The following AGBL1 variants were observed in gnomAD, a reference collection of about 807,000 sequenced individuals.
AGBL1 encodes the protein AGBL carboxypeptidase 1.
In AGBL1, 130 loss-of-function variants were observed where a neutral mutation model predicts 118.9. The observed-to-expected ratio is 1.09, with a 90% CI of 0.95 to 1.26. The LOEUF is 1.26. Ranked by LOEUF, AGBL1 falls within the 50% of genes most tolerant of loss-of-function variation. The pLI, the probability that AGBL1 is intolerant of heterozygous loss-of-function variation, is 0.00. For synonymous variants in AGBL1, 555 were observed against 478.9 expected, an observed-to-expected ratio of 1.16 and a Z score of -2.08; for missense variants, 1,584 against 1,298.1, an observed-to-expected ratio of 1.22 and a Z score of -3.38.
chr15:86,753,358 C>T (rs2077883108), intron 22 of AGBL1, among the ~76,000 whole-genome samples: 1 of 151,306 alleles, frequency 6.6e-6, no homozygotes, highest in Non-Finnish European at 1.5e-5. Context: ...ACAAGAGTAA[C>T]CTGGGGCAGG....
At chr15:86,768,107 C>T (rs1224453907) in intron 22 of AGBL1, among the ~76,000 whole-genome samples, 1 of 151,916 alleles carries the variant, frequency 6.6e-6, no homozygotes, top group East Asian at 1.9e-4. Flanking sequence ...CATTGCTCCA[C>T]AGTGAATCTA....
chr15:86,599,194 A>G (rs1019538539), intron 21 of AGBL1, among the ~76,000 whole-genome samples: 2 of 152,142 alleles, frequency 1.3e-5, no homozygotes, highest in Non-Finnish European at 2.9e-5. Context: ...CAGAGTTACA[A>G]AAGTTACAAA....
intron 1 of AGBL1, chr15:86,107,536 C>T (rs1230209119): frequency 2.6e-5 from 4 of 152,184 alleles, no homozygotes; most frequent in African/African-American, 9.7e-5. Flanking sequence ...AATACTCACC[C>T]AAGTCTTTTG....
intron 19 of AGBL1, among the ~76,000 whole-genome samples, chr15:86,542,979 T>A (rs2083526209): frequency 6.6e-6 from 1 of 152,174 alleles, no homozygotes; most frequent in African/African-American, 2.4e-5. Context: ...CTGATACTCT[T>A]TACCTTTTAA....
chr15:86,625,364 CGTTTTTTTTTTTTTGTTTTTG>C (rs1321727308), intron 21 of AGBL1, among the ~76,000 whole-genome samples: 4,375 of 68,384 alleles, frequency 0.064, 528 homozygotes, highest in African/African-American at 0.2. Flanking sequence ...AAGAAATTAG[CGTTTTTTTTTTTTTGTTTTTG>C]TTTTTTTTTT....
At chr15:86,371,613 G>T (rs2080971262) in intron 17 of AGBL1, among the ~76,000 whole-genome samples, 1 of 152,094 alleles carries the variant, frequency 6.6e-6, no homozygotes, top group Non-Finnish European at 1.5e-5. Flanking sequence ...TTATGTGTGT[G>T]TGGACTCCCA....
At chr15:86,920,547 G>A (rs1474029120), downstream of AGBL1, among the ~76,000 whole-genome samples, 1 of 151,960 alleles carries the variant, frequency 6.6e-6, no homozygotes, top group Non-Finnish European at 1.5e-5. Flanking sequence ...GATTTCATTG[G>A]GTTTATTTTT....
chr15:86,956,436 A>C (rs1413146997), intron 23 of AGBL1, among the ~76,000 whole-genome samples: 9 of 152,122 alleles, frequency 5.9e-5, no homozygotes. Context: ...GGCAAGTCCA[A>C]ATCCCACAGG....
At chr15:86,378,633 T>A (rs2081070624) in intron 17 of AGBL1, among the ~76,000 whole-genome samples, 2 of 152,182 alleles carry the variant, frequency 1.3e-5, no homozygotes, top group Admixed American at 1.3e-4. Context: ...TGGCTCAGGC[T>A]AAGCTCTTTA....
intron 16 of AGBL1, among the ~76,000 whole-genome samples, chr15:86,281,237 A>G (rs1042146521): frequency 6.6e-6 from 1 of 152,116 alleles, no homozygotes; most frequent in African/African-American, 2.4e-5. Context: ...TACAAAAATT[A>G]GCCAGGCCTG....
intron 22 of AGBL1, among the ~76,000 whole-genome samples, chr15:86,690,069 C>T (rs1308502221): frequency 2.6e-5 from 4 of 152,040 alleles, no homozygotes; most frequent in Non-Finnish European, 5.9e-5. Flanking sequence ...TATTATGGTT[C>T]ATTTCTGAGC....
chr15:86,767,614 A>G (rs577420732), intron 22 of AGBL1, among the ~76,000 whole-genome samples: 3 of 151,944 alleles, frequency 2.0e-5, no homozygotes, highest in Non-Finnish European at 2.9e-5. Flanking sequence ...TTGTTATCTC[A>G]TTTGACTTAT....
chr15:86,153,723 A>C (rs1309047821), intron 3 of AGBL1, among the ~76,000 whole-genome samples: 4 of 152,224 alleles, frequency 2.6e-5, no homozygotes, highest in Non-Finnish European at 5.9e-5. Flanking sequence ...TTGACTTTTT[A>C]TTATGAAAAC....
chr15:86,336,277 A>T (rs745426734), intron 17 of AGBL1, among the ~76,000 whole-genome samples: 3 of 152,164 alleles, frequency 2.0e-5, no homozygotes, highest in Non-Finnish European at 2.9e-5. Context: ...CATTTTACTC[A>T]TGGGGTTGGG....
intron 21 of AGBL1, among the ~76,000 whole-genome samples, chr15:86,605,738 ACTC>A (rs2084566101): frequency 6.8e-6 from 1 of 146,668 alleles, no homozygotes; most frequent in South Asian, 2.2e-4. Flanking sequence ...ACTGACGTGG[ACTC>A]AGGCTGTATG....
chr15:86,931,695 T>C (rs942563768), intron 23 of AGBL1, among the ~76,000 whole-genome samples: 7 of 152,034 alleles, frequency 4.6e-5, no homozygotes, highest in African/African-American at 1.7e-4. Flanking sequence ...ATGTGTGTGG[T>C]GTGAGGTGGA....
chr15:86,297,238 G>C (rs903406726), intron 17 of AGBL1, among the ~76,000 whole-genome samples: 2 of 151,980 alleles, frequency 1.3e-5, no homozygotes, highest in Non-Finnish European at 2.9e-5. Flanking sequence ...TAACATATCC[G>C]ATGTTCATCT....
In AGBL1 at chr15:86,522,910, C is replaced by A; in HGVS notation, c.2656C>A (p.His886Asn). 6.2e-7 allele frequency: 1 copy of A among 1,613,990 alleles called. No homozygotes were observed. Among genetic ancestry groups the A allele is most frequent in the Non-Finnish European group, 8.5e-7 (1 of 1,179,860 alleles). ...TIYHAKGLLYHLSSIGRSPVV... is the reference protein window; with the variant it reads ...TIYHAKGLLYNLSSIGRSPVV... ...TTACCATGCCAAAGGCCTCCTCTAC[C>A]ACCTGAGCAGCATTGGCCGAAGTCC... Residue 886 changes from histidine (H) to asparagine (N), a missense_variant, in exon 19 of 23, where the codon CAC becomes AAC. Physicochemically the swap from His to Asn is moderately conservative, Grantham distance 68. Transcript: ENST00000614907.
intron 21 of AGBL1, among the ~76,000 whole-genome samples, chr15:86,635,267 C>G (rs2085057932): frequency 1.1e-5 from 1 of 93,546 alleles, no homozygotes; most frequent in Non-Finnish European, 2.1e-5. Context: ...CCTCCCCCTC[C>G]TCCTCCTCCT....
Sources: gnomAD v4.1 joint callset for allele counts (sites outside exome capture counted in the v4.1 genomes callset) on GRCh38, gnomAD v4.1.1 for gene constraint, MANE v1.5 for transcripts, NCBI Gene and HGNC (gene_info 2026-07-23, HGNC 2026-07-21) for gene names.